KATNAL2: variants seen among roughly 807,000 people sequenced by gnomAD.
KATNAL2 encodes the protein katanin catalytic subunit A1 like 2, also known as katanin p60 ATPase-containing subunit A-like 2.
In KATNAL2, 52 loss-of-function variants were observed where a neutral mutation model predicts 76.3. The ratio of observed to expected loss-of-function variants is 0.68; its 90% CI spans 0.55 to 0.86. KATNAL2 has a LOEUF of 0.86. KATNAL2 is among the 40% of genes least tolerant of loss of function. The probability of loss-of-function intolerance (pLI) is 0.00; values close to 1 mark genes in which losing one functional copy is unlikely to be tolerated. For synonymous variants in KATNAL2, 243 were observed against 244.2 expected, an observed-to-expected ratio of 1.00 and a Z score of 0.05; for missense variants, 660 against 668.9, an observed-to-expected ratio of 0.99 and a Z score of 0.15.
chr18:47,034,132 T>A (rs370499347), intron 3 of KATNAL2: 8 of 1,614,232 alleles, frequency 5.0e-6, no homozygotes, highest in Non-Finnish European at 6.8e-6. Context: ...CAGAGTGGGC[T>A]GCTCGAATTC....
intron 3 of KATNAL2, among the ~76,000 whole-genome samples, chr18:46,948,012 A>G (rs1280477904): frequency 1.3e-5 from 2 of 152,208 alleles, no homozygotes; most frequent in Non-Finnish European, 2.9e-5. Flanking sequence ...AACCCCCGGG[A>G]TGATTTCTTG....
Position 47,054,386 on chromosome 18 carries a change from T to G in KATNAL2, c.290-10T>G. On this transcript the variant is annotated splice_polypyrimidine_tract_variant and intron_variant, in intron 5 of 17. Transcript: ENST00000683218. ...ATTTTCTTTCCCTCCCAATGTCTGT[T>G]TTGTCACAGCAGAAAATAATTTACC... 1 of 1,611,442 alleles carries G rather than the reference T, an allele frequency of 6.2e-7. No individual in the cohort carries two copies. The highest frequency in any genetic ancestry group is 1.3e-5 in the African/African-American group (1 of 75,000).
chr18:46,947,153 G>A (rs945356357), intron 3 of KATNAL2, among the ~76,000 whole-genome samples: 15 of 152,216 alleles, frequency 9.9e-5, no homozygotes, highest in African/African-American at 3.6e-4. Flanking sequence ...CAACGGGTCG[G>A]ATGAAAGGGA....
At chr18:47,064,248 G>A (rs2147161694) in intron 10 of KATNAL2, among the ~76,000 whole-genome samples, 1 of 152,052 alleles carries the variant, frequency 6.6e-6, no homozygotes, top group South Asian at 2.1e-4. Flanking sequence ...ATGAAGGAGG[G>A]AGGGGTGGGG....
At chr18:47,072,150 G>A (rs1010914374) in intron 13 of KATNAL2, among the ~76,000 whole-genome samples, 4 of 151,410 alleles carry the variant, frequency 2.6e-5, no homozygotes, top group Non-Finnish European at 5.9e-5. Flanking sequence ...TAGAGACAGG[G>A]TTTCACCATA....
intron 1 of KATNAL2, among the ~76,000 whole-genome samples, chr18:46,919,267 A>T (rs1297454968): frequency 6.6e-6 from 1 of 151,840 alleles, no homozygotes; most frequent in East Asian, 1.9e-4. Flanking sequence ...CGGGCGGATC[A>T]CCTGAGGTTG....
intron 15 of KATNAL2, among the ~76,000 whole-genome samples, chr18:47,077,992 A>G (rs1310350464): frequency 6.6e-6 from 1 of 152,228 alleles, no homozygotes; most frequent in African/African-American, 2.4e-5. Flanking sequence ...ATTGGGAAAT[A>G]AGAGATGTTG....
At position 47,069,368 on chromosome 18, in the gene KATNAL2, G is replaced by C; in HGVS notation, c.889+85G>C. On this transcript the variant is annotated intron_variant, in intron 12 of 17. Transcript: ENST00000683218. ...CCCTTCTGTCCTCACTTCAGGACTG[G>C]GGCACACGAGAGCTGAGCAGTCACT... The C allele has an allele frequency of 3.7e-6, 5 of 1,358,904 alleles. No individual in the cohort carries two copies. In the South Asian group the frequency reaches 6.2e-5, roughly 17 times the overall value. The allele number at this position is 1,358,904 out of a possible 1,614,324, so 84.2% of individuals were successfully genotyped here.
intron 15 of KATNAL2, among the ~76,000 whole-genome samples, chr18:47,080,327 C>T (rs2062448385): frequency 6.6e-6 from 1 of 152,152 alleles, no homozygotes; most frequent in Admixed American, 6.5e-5. Context: ...ATATAACTCA[C>T]ATACCACCCA....
intron 6 of KATNAL2, among the ~76,000 whole-genome samples, chr18:47,057,159 A>T (rs938542996): frequency 6.6e-6 from 1 of 152,208 alleles, no homozygotes. Context: ...AACATTTATT[A>T]TCCCCATAAA....
intron 15 of KATNAL2, among the ~76,000 whole-genome samples, chr18:47,091,901 T>TG (rs1291853231): frequency 6.6e-6 from 1 of 152,186 alleles, no homozygotes; most frequent in Non-Finnish European, 1.5e-5. Context: ...GTAAAGGCCT[T>TG]GGAAGAAAAT....
intron 14 of KATNAL2, among the ~76,000 whole-genome samples, chr18:47,075,776 T>C (rs2062189604): frequency 6.6e-6 from 1 of 152,220 alleles, no homozygotes; most frequent in African/African-American, 2.4e-5. Context: ...ACGTCTGTAC[T>C]TCACTCCTGA....
intron 15 of KATNAL2, among the ~76,000 whole-genome samples, chr18:47,095,997 C>T (rs1184846607): frequency 1.3e-5 from 2 of 152,034 alleles, no homozygotes; most frequent in African/African-American, 4.8e-5. Context: ...CTCTGATGTG[C>T]GATGAATGTC....
intron 3 of KATNAL2, chr18:47,035,297 G>C (rs776373401): frequency 1.1e-4 from 179 of 1,611,594 alleles, no homozygotes; most frequent in Middle Eastern, 2.2e-4. Context: ...CGCTGTCCCG[G>C]CGGTCGCAGC....
chr18:47,098,107 T>C (rs2063326341), intron 15 of KATNAL2: 1 of 165,046 alleles, frequency 6.1e-6, no homozygotes, highest in Non-Finnish European at 1.3e-5. Context: ...TATAGAAGAA[T>C]ACTGATGTTG....
intron 15 of KATNAL2, among the ~76,000 whole-genome samples, chr18:47,097,605 A>G (rs555122934): frequency 4.6e-5 from 7 of 152,220 alleles, no homozygotes. Context: ...AAAAGGGTCT[A>G]GGGCAAGCAG....
chr18:47,060,673 C>A (rs1037172905), intron 8 of KATNAL2, among the ~76,000 whole-genome samples: 1 of 152,150 alleles, frequency 6.6e-6, no homozygotes, highest in African/African-American at 2.4e-5. Flanking sequence ...TTAGTTCTGG[C>A]CAGCTCTTAG....
At chr18:47,062,331 CT>C (rs1408435328) in intron 8 of KATNAL2, among the ~76,000 whole-genome samples, 4 of 151,044 alleles carry the variant, frequency 2.6e-5, no homozygotes, top group African/African-American at 9.7e-5. Context: ...CTGCGGTGAG[CT>C]ATGATTACGC....
chr18:47,078,808 AAAAAACC>A (rs1455537771), intron 15 of KATNAL2, among the ~76,000 whole-genome samples: 3 of 152,330 alleles, frequency 2.0e-5, no homozygotes, highest in African/African-American at 7.2e-5. Flanking sequence ...CACAGAGGTC[AAAAAACC>A]AAAAACAAAG....
Sources: allele counts gnomAD v4.1 joint callset (sites outside exome capture counted in the v4.1 genomes callset), GRCh38; gene constraint gnomAD v4.1.1; transcripts MANE v1.5; gene names NCBI Gene and HGNC (gene_info 2026-07-23, HGNC 2026-07-21).